Variants in FGF20 observed in about 807,000 individuals in gnomAD.
FGF20 encodes fibroblast growth factor 20.
A neutral mutation model predicts 16.7 loss-of-function variants in FGF20; 8 were observed. The ratio of observed to expected loss-of-function variants is 0.48; its 90% confidence interval spans 0.28 to 0.87. The LOEUF (loss-of-function observed/expected upper bound fraction) is 0.87. Ranked by LOEUF, FGF20 falls within the 40% of genes least tolerant of loss-of-function variation. The pLI is 0.10. For synonymous variants in FGF20, 161 were observed against 118.6 expected (o/e 1.36, Z -2.32); for missense variants, 397 against 281.4 (o/e 1.41, Z -2.94).
At chr8:16,998,023 A>C (rs1310509602) in intron 1 of FGF20, among the ~76,000 whole-genome samples, 1 of 152,192 alleles carries the variant, frequency 6.6e-6, no homozygotes, top group Non-Finnish European at 1.5e-5. Context: ...TTAAGTGATT[A>C]GAATGTAGAA....
rs992205921 is a variant in FGF20, at chr8:17,001,054, C to T, written c.286+693G>A. 4.0e-5 allele frequency among the ~76,000 whole-genome samples: 6 copies of T among 151,060 alleles called. No homozygotes were observed. In the East Asian group the frequency reaches 9.8e-4, roughly 25 times the overall value. The stretch of plus-strand genomic sequence containing the variant: ...CTTCCTCCTCCCCCACCCCTCCCCC[C>T]CTTTCCTTTTCTTTTCTCACCCACA... On this transcript the variant is annotated intron_variant, in intron 1 of 2. Transcript: ENST00000180166.
intron 2 of FGF20, 55 bp downstream of exon 2, chr8:16,995,600 G>A: frequency 1.4e-6 from 1 of 707,982 alleles, no homozygotes. Context: ...TTACATAATA[G>A]ATAGTCAATA....
Position 17,002,081 on chromosome 8 carries a change from T to C in FGF20, c.-49A>G, listed in dbSNP as rs1185295602. 2.7e-6 allele frequency: 4 copies of C among 1,479,676 alleles called. No homozygotes were observed. The highest frequency in any genetic ancestry group is 3.6e-6 in the Non-Finnish European group (4 of 1,118,424). 91.7% of individuals were successfully genotyped at this position (1,479,676 alleles called of 1,614,324 possible). ...AAGACCCCCCCAGTAAAGAGTGTTG[T>C]GGGGGTGGGATGGAGGTGGATAGAG... On this transcript the variant is annotated 5_prime_UTR_variant, in exon 1 of 3. Transcript: ENST00000180166.
At position 17,001,730 on chromosome 8, in the gene FGF20, G is replaced by A; in HGVS notation, c.286+17C>T. The A allele has an allele frequency of 2.6e-6, 4 of 1,565,846 alleles. No homozygotes were observed. Among genetic ancestry groups the A allele is most frequent in the Non-Finnish European group, 3.4e-6 (4 of 1,159,436 alleles). On this transcript the variant is annotated intron_variant, in intron 1 of 2. Coordinates refer to ENST00000180166, the MANE Select transcript of FGF20 (RefSeq NM_019851.3). ...CTGGGGCGCAGATGGGGGTGGGGTC[G>A]GGATGCTAGTACGTACCGAAGAGGC...
chr8:17,001,643 G>T, intron 1 of FGF20, 104 bp downstream of exon 1: 1 of 1,304,186 alleles, frequency 7.7e-7, no homozygotes, highest in African/African-American at 1.5e-5. Flanking sequence ...CGGGCTCCGC[G>T]CGGCGATGAC....
In FGF20 at chr8:16,993,069, A is replaced by C. The variant is rs780521897; in HGVS notation, c.*3T>G. The C allele has an allele frequency of 1.1e-5, 17 of 1,613,312 alleles. No individual in the cohort carries two copies. Among genetic ancestry groups the C allele is most frequent in the Non-Finnish European group, 1.2e-5 (14 of 1,179,860 alleles). ...GACTCTTCCATAATGTCACTATCGC[A>C]CTTCAAGTGTACATCAGTAGGTCCT... On this transcript the variant is annotated 3_prime_UTR_variant, in exon 3 of 3. Coordinates refer to ENST00000180166, the MANE Select transcript of FGF20 (RefSeq NM_019851.3).
chr8:16,998,283 T>A lies in FGF20; in HGVS notation c.287-2525A>T, dbSNP rs541181897. ...TTAGTAAACAACACCCAAAACCTTA[T>A]ACATAACCAGGTATAAATAATTTTG... On this transcript the variant is annotated intron_variant, in intron 1 of 2. Transcript: ENST00000180166. Among the ~76,000 whole-genome samples the A allele has an allele frequency of 2.6e-5, 4 of 152,332 alleles. No individual in the cohort carries two copies. The South Asian group carries it at 8.3e-4, about 32-fold the overall frequency.
intron 1 of FGF20, 122 bp from the exon 2 acceptor site, chr8:16,995,880 G>T (rs1010566646): frequency 3.6e-6 from 2 of 548,852 alleles, no homozygotes; most frequent in Non-Finnish European, 3.2e-6. Context: ...AATGATGTAC[G>T]TGTAAAAGTC....
intron 2 of FGF20, among the ~76,000 whole-genome samples, chr8:16,994,741 C>A (rs1466642080): frequency 6.6e-6 from 1 of 152,120 alleles, no homozygotes; most frequent in Non-Finnish European, 1.5e-5. Flanking sequence ...CATACAAAGT[C>A]AATTCTTGAT....
chr8:16,995,672 C>G lies in FGF20; in HGVS notation c.373G>C (p.Gly125Arg). 6.4e-7 allele frequency: 1 copy of G among 1,573,102 alleles called. No homozygotes were observed. Among genetic ancestry groups the G allele is most frequent in the Non-Finnish European group, 8.7e-7 (1 of 1,146,304 alleles). Residue 125 changes from glycine to arginine, a missense_variant, in exon 2 of 3, where the codon GGA becomes CGA. Transcript: ENST00000180166. ...SGLYLGMNDK[G>R]ELYGSEKLTS... ...ATACGTACTGATCCATAGAGTTCTC[C>G]TTTGTCATTCATTCCAAGATAGAGA... is the stretch of plus-strand genomic sequence containing the variant.
chr8:16,997,193 T>C lies in FGF20; in HGVS notation c.287-1435A>G, dbSNP rs1810075188. Among the ~76,000 whole-genome samples the C allele has an allele frequency of 2.6e-5, 4 of 152,092 alleles. No individual in the cohort carries two copies. In the South Asian group the frequency reaches 8.3e-4, roughly 32 times the overall value. Reference sequence around the variant, plus strand: ...CTTAACACCTCCCTCTGGATCACCCTTTTTTTTCTGCACACACTAAACTTT... The same window carrying C: ...CTTAACACCTCCCTCTGGATCACCCCTTTTTTTCTGCACACACTAAACTTT... On this transcript the variant is annotated intron_variant, in intron 1 of 2. Coordinates refer to ENST00000180166, the MANE Select transcript of FGF20 (RefSeq NM_019851.3).
intron 2 of FGF20, 49 bp downstream of exon 2, chr8:16,995,606 C>A: frequency 2.7e-6 from 2 of 753,200 alleles, no homozygotes; most frequent in South Asian, 5.1e-5. Context: ...AATAGATAGT[C>A]AATATTTTAA....
At chr8:16,999,763 A>G (rs1370550683) in intron 1 of FGF20, among the ~76,000 whole-genome samples, 1 of 143,166 alleles carries the variant, frequency 7.0e-6, no homozygotes, top group East Asian at 2.1e-4. Flanking sequence ...CTGGTCTTGA[A>G]CTCCTGACCT....
chr8:16,994,275 A>G (rs1394066783), intron 2 of FGF20, among the ~76,000 whole-genome samples: 1 of 152,156 alleles, frequency 6.6e-6, no homozygotes. Context: ...CAAATTCCAA[A>G]TTCATGATCA....
intron 1 of FGF20, among the ~76,000 whole-genome samples, chr8:16,996,728 G>C (rs569198147): frequency 6.5e-4 from 99 of 152,084 alleles, no homozygotes; most frequent in Non-Finnish European, 1.3e-3. Context: ...TAAAAAACAA[G>C]CCCTTAAAAT....
chr8:16,995,148 G>C (rs1489299165), intron 2 of FGF20, among the ~76,000 whole-genome samples: 2 of 152,184 alleles, frequency 1.3e-5, no homozygotes, highest in African/African-American at 2.4e-5. Flanking sequence ...AAATTTTCAA[G>C]ACTACAGGCA....
At chr8:16,998,171 C>T (rs538158461) in intron 1 of FGF20, among the ~76,000 whole-genome samples, 12 of 152,114 alleles carry the variant, frequency 7.9e-5, no homozygotes, top group Non-Finnish European at 1.5e-4. Flanking sequence ...TATCTTAATG[C>T]TGTCAGCTTG....
chr8:17,001,835 G>T lies in FGF20; in HGVS notation c.198C>A (p.Arg66=). The T allele has an allele frequency of 6.5e-7, 1 of 1,527,008 alleles. No homozygotes were observed. Among genetic ancestry groups the T allele is most frequent in the Non-Finnish European group, 8.8e-7 (1 of 1,141,130 alleles). 94.6% of individuals were successfully genotyped at this position (1,527,008 alleles called of 1,614,324 possible). A position where few individuals can be genotyped will look rare whatever the true frequency, so the allele number is the denominator to read the frequency against. Reference sequence around the variant, plus strand: ...AGCCGGTGCGGCAATAGAGCTGCCGGCGGCGCAGGATGCCGTGCAGGTGCG... The same window carrying T: ...AGCCGGTGCGGCAATAGAGCTGCCGTCGGCGCAGGATGCCGTGCAGGTGCG... The part of the protein sequence containing the change: ...QLAHLHGILR[R]RQLYCRTGFH... The change falls in exon 1 of 3, where the codon CGC becomes CGA. Residue 66 remains arginine (R), a synonymous_variant. Coordinates refer to ENST00000180166, the MANE Select transcript of FGF20 (RefSeq NM_019851.3).
Position 16,995,696 on chromosome 8 carries a change from G to A in FGF20, c.349C>T (p.Leu117Phe). ...LVSIRGVDSG[L>F]YLGMNDKGEL... The stretch of plus-strand genomic sequence containing the variant: ...CCTTTGTCATTCATTCCAAGATAGA[G>A]ACCACTGTCCACACCTCTAATACTG... The change falls in exon 2 of 3, where the codon CTC (leucine) becomes TTC (phenylalanine). Residue 117 changes from leucine to phenylalanine, a missense_variant. Transcript: ENST00000180166. 1 of 1,607,238 alleles carries A rather than the reference G, an allele frequency of 6.2e-7. No individual in the cohort carries two copies. The highest frequency in any genetic ancestry group is 2.2e-5 in the East Asian group (1 of 44,828).
Sources: gnomAD v4.1 joint callset for allele counts (sites outside exome capture counted in the v4.1 genomes callset) on GRCh38, gnomAD v4.1.1 for gene constraint, MANE v1.5 for transcripts, NCBI Gene and HGNC (gene_info 2026-07-23, HGNC 2026-07-21) for gene names.